Variants in CREBL2 observed in about 807,000 individuals in gnomAD.
CREBL2 encodes the protein cAMP responsive element binding protein like 2, also known as cAMP-responsive element-binding protein-like 2.
A neutral mutation model predicts 19.5 loss-of-function variants in CREBL2; 4 were observed. That is an observed-to-expected ratio of 0.20 (90% CI 0.10 to 0.47). CREBL2 has a LOEUF of 0.47. Among genes scored for constraint, CREBL2 ranks in the 20% least tolerant of loss-of-function variants. CREBL2 has a pLI of 0.98. For synonymous variants in CREBL2, 42 were observed against 46.6 expected (o/e 0.90, Z 0.40); for missense variants, 85 against 145.1 (o/e 0.59, Z 2.13).
chr12:12,627,948 C>T (rs1483263643), intron 1 of CREBL2, among the ~76,000 whole-genome samples: 1 of 152,050 alleles, frequency 6.6e-6, no homozygotes, highest in African/African-American at 2.4e-5. Flanking sequence ...GGTGCAATCT[C>T]GGCTCACTGC....
rs891929258 is a variant in CREBL2 at position 12,643,916 on chromosome 12, A to C, written c.*1918A>C. On this transcript the variant is annotated 3_prime_UTR_variant, in exon 4 of 4. Transcript: ENST00000228865. Reference sequence around the variant, plus strand: ...CTCAATTGTATATTTTTATTTTGCAAAACAACCCAAAACTTACTTTATGTT... The same window carrying C: ...CTCAATTGTATATTTTTATTTTGCACAACAACCCAAAACTTACTTTATGTT... The C allele has an allele frequency of 2.6e-5, 4 of 152,734 alleles. No homozygotes were observed. In the East Asian group the frequency reaches 5.8e-4, roughly 22 times the overall value. The allele number at this position is 152,734 out of a possible 1,614,324, so 9.5% of individuals were successfully genotyped here.
intron 1 of CREBL2, among the ~76,000 whole-genome samples, chr12:12,626,772 G>A (rs1305531079): frequency 6.6e-6 from 1 of 151,694 alleles, no homozygotes; most frequent in East Asian, 1.9e-4. Flanking sequence ...GTTGCTAGGT[G>A]TACCTGTAGT....
chr12:12,619,627 TTTC>T (rs1945345252), intron 1 of CREBL2, among the ~76,000 whole-genome samples: 2 of 110,298 alleles, frequency 1.8e-5, no homozygotes, highest in Non-Finnish European at 2.1e-5. Flanking sequence ...AAAAGGAAAG[TTTC>T]TTCTCCCTTG....
intron 3 of CREBL2, among the ~76,000 whole-genome samples, chr12:12,640,164 T>C (rs567672314): frequency 6.6e-6 from 1 of 152,274 alleles, no homozygotes; most frequent in Admixed American, 6.5e-5. Context: ...GGGCAGAGTT[T>C]TTCCCCACCC....
At chr12:12,633,176 A>T (rs925474033) in intron 1 of CREBL2, among the ~76,000 whole-genome samples, 2 of 152,090 alleles carry the variant, frequency 1.3e-5, no homozygotes, top group African/African-American at 4.8e-5. Flanking sequence ...ACCTCAGGTG[A>T]TCCACCTGCC....
At chr12:12,620,365 C>G (rs1488552968) in intron 1 of CREBL2, among the ~76,000 whole-genome samples, 2 of 152,086 alleles carry the variant, frequency 1.3e-5, no homozygotes, top group Non-Finnish European at 2.9e-5. Flanking sequence ...TCTGGAATAG[C>G]TGGGATCACA....
chr12:12,630,581 C>T (rs1479777760), intron 1 of CREBL2, among the ~76,000 whole-genome samples: 1 of 151,938 alleles, frequency 6.6e-6, no homozygotes, highest in Non-Finnish European at 1.5e-5. Context: ...GTTGTATTTC[C>T]ATTCTTTATT....
chr12:12,641,257 T>TA (rs200848465), intron 3 of CREBL2, among the ~76,000 whole-genome samples: 2,899 of 106,214 alleles, frequency 0.027, 80 homozygotes, highest in East Asian at 0.045. Context: ...ATTATTATTT[T>TA]TTTTTATTTT....
chr12:12,637,386 C>T (rs1485460119), intron 2 of CREBL2, among the ~76,000 whole-genome samples, 184 bp from the exon 3 acceptor site: 2 of 152,118 alleles, frequency 1.3e-5, no homozygotes, highest in Non-Finnish European at 2.9e-5. Flanking sequence ...AGATCTCGTA[C>T]ATGTCCTCAG....
At chr12:12,612,210 G>GC (rs1394878619) in intron 1 of CREBL2, 23 bp downstream of exon 1, 2 of 1,613,280 alleles carry the variant, frequency 1.2e-6, no homozygotes, top group East Asian at 4.5e-5. Context: ...GTTTGCACGC[G>GC]CCGCCGCCTT....
At chr12:12,628,373 T>C (rs1378111036) in intron 1 of CREBL2, among the ~76,000 whole-genome samples, 5 of 152,210 alleles carry the variant, frequency 3.3e-5, no homozygotes, top group African/African-American at 4.8e-5. Flanking sequence ...CTTTTTATTA[T>C]TGAGTTGTAA....
rs1945452100 is a variant in CREBL2, at chr12:12,633,004, A to G, written c.16-2773A>G. ...CCTGGAGTGCAGTGGCCCGATCTGG[A>G]CCCACTGCAACCTCCACCTCCCACG... On this transcript the variant is annotated intron_variant, in intron 1 of 3. Transcript: ENST00000228865. Among the ~76,000 whole-genome samples the G allele has an allele frequency of 3.3e-5, 5 of 150,726 alleles. No homozygotes were observed. The South Asian group carries it at 1.0e-3, about 32-fold the overall frequency.
chr12:12,613,703 T>C (rs992173811), intron 1 of CREBL2, among the ~76,000 whole-genome samples: 4 of 152,128 alleles, frequency 2.6e-5, no homozygotes, highest in African/African-American at 4.8e-5. Flanking sequence ...AGCTATCAGC[T>C]CATAAGAGTG....
rs1276263252 is a variant in CREBL2, at chr12:12,643,942, G to T, written c.*1944G>T. 1 of 152,658 alleles carries T rather than the reference G, an allele frequency of 6.6e-6. No homozygotes were observed. Among genetic ancestry groups the T allele is most frequent in the African/African-American group, 2.4e-5 (1 of 41,534 alleles). The allele number at this position is 152,658 out of a possible 1,614,324, so 9.5% of individuals were successfully genotyped here. ...AACAACCCAAAACTTACTTTATGTT[G>T]CTTTGTTCAGTACCTTTTGAATTCC... On this transcript the variant is annotated 3_prime_UTR_variant, in exon 4 of 4. Coordinates refer to ENST00000228865, the MANE Select transcript of CREBL2 (RefSeq NM_001310.4).
chr12:12,634,355 C>T (rs951705304), intron 1 of CREBL2, among the ~76,000 whole-genome samples: 7 of 152,146 alleles, frequency 4.6e-5, no homozygotes. Context: ...ATAATTGTGC[C>T]TAGGCAGGTA....
intron 2 of CREBL2, among the ~76,000 whole-genome samples, chr12:12,636,594 T>C (rs995537558): frequency 1.3e-5 from 2 of 152,066 alleles, no homozygotes; most frequent in Non-Finnish European, 2.9e-5. Flanking sequence ...TAATTTTTTT[T>C]GTATTTTTAG....
chr12:12,624,176 C>A (rs568140533), intron 1 of CREBL2, among the ~76,000 whole-genome samples: 25 of 152,270 alleles, frequency 1.6e-4, no homozygotes, highest in African/African-American at 5.8e-4. Context: ...AGCCAGAGGT[C>A]TTTTCTTGAA....
rs1478394376 is a variant in CREBL2 at position 12,641,253 on chromosome 12, A to ATTATTTT, written c.359-739_359-738insATTTTTT. Among the ~76,000 whole-genome samples the ATTATTTT allele has an allele frequency of 2.3e-4, 18 of 78,242 alleles. 1 individual carries two copies. Among genetic ancestry groups the ATTATTTT allele is most frequent in the South Asian group, 1.9e-3 (4 of 2,160 alleles). 51.3% of individuals were successfully genotyped at this position (78,242 alleles called of 152,430 possible). A position where few individuals can be genotyped will look rare whatever the true frequency, so the allele number is the denominator to read the frequency against. ...TATTATTATTATTATTATTATTATT[A>ATTATTTT]TTTTTTTTTATTTTTTTTTTTTTTA... On this transcript the variant is annotated intron_variant, in intron 3 of 3. Coordinates refer to ENST00000228865, the MANE Select transcript of CREBL2 (RefSeq NM_001310.4).
In CREBL2 at chr12:12,642,738, T is replaced by C. The variant is rs575856948; in HGVS notation, c.*740T>C. 3.3e-5 allele frequency: 5 copies of C among 152,378 alleles called. No homozygotes were observed. The highest frequency in any genetic ancestry group is 1.2e-4 in the African/African-American group (5 of 41,592). The allele number at this position is 152,378 out of a possible 1,614,324, so 9.4% of individuals were successfully genotyped here. On this transcript the variant is annotated 3_prime_UTR_variant, in exon 4 of 4. Transcript: ENST00000228865. Reference sequence around the variant, plus strand: ...TAAAAATTTGCTAGGGCCAAATCCATACTTGCAGAATAATTCATCAAATTT... The same window carrying C: ...TAAAAATTTGCTAGGGCCAAATCCACACTTGCAGAATAATTCATCAAATTT...
Sources: gnomAD v4.1 joint callset for allele counts (sites outside exome capture counted in the v4.1 genomes callset) on GRCh38, gnomAD v4.1.1 for gene constraint, MANE v1.5 for transcripts, NCBI Gene and HGNC (gene_info 2026-07-23, HGNC 2026-07-21) for gene names.